EFCAB5: variants seen among roughly 807,000 people sequenced by gnomAD.
The protein encoded by EFCAB5 is EF-hand calcium-binding domain-containing protein 5.
EFCAB5 carries 131 observed loss-of-function variants against 167.9 expected under a neutral mutation model. The ratio of observed to expected loss-of-function variants is 0.78; its 90% confidence interval spans 0.68 to 0.90. The LOEUF (loss-of-function observed/expected upper bound fraction) is 0.90, where lower values mean the gene tolerates loss of function less well. Ranked by LOEUF, EFCAB5 falls within the 40% of genes least tolerant of loss-of-function variation. EFCAB5 has a pLI of 0.00. For missense variants in EFCAB5, 1,663 were observed against 1,745.2 expected, an observed-to-expected ratio of 0.95 and a Z score of 0.84; for synonymous variants, 574 against 602.8, an observed-to-expected ratio of 0.95 and a Z score of 0.70.
intron 18 of EFCAB5, 117 bp downstream of exon 18, chr17:30,083,160 T>G: frequency 7.5e-7 from 1 of 1,331,936 alleles, no homozygotes; most frequent in South Asian, 1.7e-5. Flanking sequence ...AAGACAGATT[T>G]CCCAATACAA....
intron 3 of EFCAB5, among the ~76,000 whole-genome samples, chr17:29,956,720 A>C (rs927388406): frequency 1.3e-5 from 2 of 152,162 alleles, no homozygotes; most frequent in East Asian, 3.8e-4. Flanking sequence ...GTAACAACAG[A>C]TATAAAAGAG....
chr17:30,062,792 G>A (rs2070459567), intron 14 of EFCAB5, among the ~76,000 whole-genome samples: 1 of 152,016 alleles, frequency 6.6e-6, no homozygotes, highest in Non-Finnish European at 1.5e-5. Flanking sequence ...TCCATCTACC[G>A]CTCCCTTCAT....
At chr17:29,937,694 GTTAC>G (rs2067257138), upstream of EFCAB5, among the ~76,000 whole-genome samples, 2 of 152,182 alleles carry the variant, frequency 1.3e-5, no homozygotes, top group Admixed American at 6.6e-5. Context: ...GATCCTGCCA[GTTAC>G]CAGTATCTCT....
chr17:29,993,390 T>C, intron 5 of EFCAB5, 69 bp downstream of exon 5: 1 of 1,471,978 alleles, frequency 6.8e-7, no homozygotes, highest in Middle Eastern at 1.8e-4. Flanking sequence ...GCTAGAATAC[T>C]GAGTAGCATA....
chr17:30,004,622 C>CTTTTTTT (rs770320423), intron 7 of EFCAB5, among the ~76,000 whole-genome samples: 1 of 135,736 alleles, frequency 7.4e-6, no homozygotes, highest in Non-Finnish European at 1.6e-5. Context: ...TCTGTGGGCA[C>CTTTTTTT]TTTTTTTTTT....
intron 8 of EFCAB5, among the ~76,000 whole-genome samples, chr17:30,042,155 C>T (rs1023515030): frequency 6.6e-5 from 10 of 151,860 alleles, no homozygotes; most frequent in Non-Finnish European, 1.2e-4. Flanking sequence ...ATTACAGGCG[C>T]GCACCACCAT....
chr17:29,987,344 T>C (rs1309941837), intron 4 of EFCAB5, among the ~76,000 whole-genome samples: 1 of 152,184 alleles, frequency 6.6e-6, no homozygotes, highest in Non-Finnish European at 1.5e-5. Flanking sequence ...ATCTGGATCT[T>C]AGTAAGGCTT....
intron 7 of EFCAB5, among the ~76,000 whole-genome samples, chr17:30,032,393 C>T (rs1394391426): frequency 6.6e-6 from 1 of 152,182 alleles, no homozygotes; most frequent in African/African-American, 2.4e-5. Flanking sequence ...GCAAAATATG[C>T]TACCCCGAAA....
chr17:30,028,068 T>C (rs764521556), intron 7 of EFCAB5, among the ~76,000 whole-genome samples: 1 of 152,176 alleles, frequency 6.6e-6, no homozygotes, highest in Non-Finnish European at 1.5e-5. Flanking sequence ...AACTGTTGTA[T>C]CCCTTAGCCA....
intron 3 of EFCAB5, among the ~76,000 whole-genome samples, chr17:29,967,130 G>A (rs1257378213): frequency 1.3e-5 from 2 of 152,074 alleles, no homozygotes; most frequent in African/African-American, 4.8e-5. Flanking sequence ...CTATTTAATG[G>A]TATTTCCTTG....
At chr17:30,034,527 C>T (rs1331614911) in intron 8 of EFCAB5, 142 bp downstream of exon 8, 3 of 909,478 alleles carry the variant, frequency 3.3e-6, no homozygotes, top group East Asian at 2.8e-5. Flanking sequence ...GGTGAAACCC[C>T]ATATCTACAA....
chr17:29,955,494 T>C (rs534080878), intron 3 of EFCAB5, among the ~76,000 whole-genome samples: 3 of 152,288 alleles, frequency 2.0e-5, no homozygotes, highest in Admixed American at 1.3e-4. Flanking sequence ...TCCACCATGA[T>C]TGTGAGGCCT....
intron 3 of EFCAB5, among the ~76,000 whole-genome samples, chr17:29,946,034 A>G (rs57411618): frequency 0.39 from 59,869 of 152,080 alleles, 13,776 homozygotes; most frequent in East Asian, 0.68. Context: ...AGAAATAACC[A>G]TCAGACTAAA....
At chr17:29,951,428 C>G (rs1477062220) in intron 3 of EFCAB5, among the ~76,000 whole-genome samples, 4 of 152,156 alleles carry the variant, frequency 2.6e-5, no homozygotes, top group African/African-American at 9.7e-5. Context: ...ACCTCCACCT[C>G]CTGGGATCAT....
Position 30,057,893 on chromosome 17 carries a change from G to T in EFCAB5, c.2580+3G>T. ...AGAAAATGAATGCCTTAGAACAGGT[G>T]GGTAATATTATTTATTAATGATACA... On this transcript the variant is annotated splice_donor_region_variant and intron_variant, in intron 13 of 22. Transcript: ENST00000394835. The T allele has an allele frequency of 1.2e-6, 2 of 1,607,642 alleles. No individual in the cohort carries two copies. Among genetic ancestry groups the T allele is most frequent in the East Asian group, 2.2e-5 (1 of 44,794 alleles).
chr17:30,070,895 A>G (rs1387083473), intron 14 of EFCAB5, among the ~76,000 whole-genome samples: 1 of 143,638 alleles, frequency 7.0e-6, no homozygotes, highest in African/African-American at 2.6e-5. Context: ...GGTTGCAATG[A>G]GCCGAGATTG....
rs543316128 is a variant in EFCAB5 at position 30,019,698 on chromosome 17, G to A, written c.1045-14532G>A. Among the ~76,000 whole-genome samples the A allele has an allele frequency of 5.9e-5, 9 of 152,004 alleles. No individual in the cohort carries two copies. The East Asian group carries it at 9.7e-4, about 16-fold the overall frequency. On this transcript the variant is annotated intron_variant, in intron 7 of 22. Coordinates refer to ENST00000394835, the MANE Select transcript of EFCAB5 (RefSeq NM_198529.4). ...TGACCTCAGGTGATCCACACACCTCGGCCTCCCAAAGTGCTAGGATTACAG... is the reference window on the plus strand; with the variant it reads ...TGACCTCAGGTGATCCACACACCTCAGCCTCCCAAAGTGCTAGGATTACAG...
At chr17:30,004,787 A>ATTTTTTTTTTTTTTTTTT (rs60231360) in intron 7 of EFCAB5, among the ~76,000 whole-genome samples, 2 of 115,138 alleles carry the variant, frequency 1.7e-5, no homozygotes, top group Non-Finnish European at 3.4e-5. Flanking sequence ...CTCCTGGCTA[A>ATTTTTTTTTTTTTTTTTT]TTTTTTTTTT....
chr17:30,103,987 GACA>G (rs2071413632), intron 22 of EFCAB5, among the ~76,000 whole-genome samples: 3 of 152,212 alleles, frequency 2.0e-5, no homozygotes, highest in African/African-American at 7.2e-5. Flanking sequence ...CTCCAGGCTG[GACA>G]ACAAGAGCAA....
Sources: allele counts gnomAD v4.1 joint callset (sites outside exome capture counted in the v4.1 genomes callset), GRCh38; gene constraint gnomAD v4.1.1; transcripts MANE v1.5; gene names NCBI Gene and HGNC (gene_info 2026-07-23, HGNC 2026-07-21).